The following CDK15 variants were observed in gnomAD, a reference collection of about 807,000 sequenced individuals.
The protein encoded by CDK15 is cyclin-dependent kinase 15.
In CDK15, 62 loss-of-function variants were observed where a neutral mutation model predicts 60.3. That is an observed-to-expected ratio of 1.03 (90% CI 0.84 to 1.27). The LOEUF is 1.27. CDK15 is among the 50% of genes most tolerant of loss of function. The probability of loss-of-function intolerance (pLI) is 0.00; values close to 1 mark genes in which losing one functional copy is unlikely to be tolerated. For synonymous variants in CDK15, 194 were observed against 195.7 expected, an observed-to-expected ratio of 0.99 and a Z score of 0.07; for missense variants, 541 against 527.8, an observed-to-expected ratio of 1.03 and a Z score of -0.25.
rs1346983845 is a variant in CDK15, at chr2:201,894,208, T to A, written c.*941T>A. 1 of 152,114 alleles carries A rather than the reference T, an allele frequency of 6.6e-6. No homozygotes were observed. The highest frequency in any genetic ancestry group is 1.5e-5 in the Non-Finnish European group (1 of 68,118). The allele number at this position is 152,114 out of a possible 1,614,324, so 9.4% of individuals were successfully genotyped here. ...AAGCAGCCAGGGAAACTCAAATCGC[T>A]TCTGTCCAGGGATCATCTCAGGAAA... On this transcript the variant is annotated 3_prime_UTR_variant, in exon 14 of 14. Coordinates refer to ENST00000652192, the MANE Select transcript of CDK15 (RefSeq NM_001366386.2).
chr2:201,860,997 G>C (rs1020792348), intron 10 of CDK15: 2 of 1,184,540 alleles, frequency 1.7e-6, no homozygotes, highest in African/African-American at 3.2e-5. Flanking sequence ...GCTAAGGTCT[G>C]CATCTGGGTC....
At chr2:201,807,994 C>A (rs1695595071) in intron 3 of CDK15, 42 bp downstream of exon 3, 3 of 1,514,962 alleles carry the variant, frequency 2.0e-6, no homozygotes, top group Middle Eastern at 1.7e-4. Context: ...AGATGAGAGT[C>A]CCGCCCCCCC....
chr2:201,826,071 A>T (rs1313227185), intron 6 of CDK15, among the ~76,000 whole-genome samples: 1 of 152,226 alleles, frequency 6.6e-6, no homozygotes, highest in Non-Finnish European at 1.5e-5. Context: ...ATACACACCA[A>T]TACTATTATA....
intron 10 of CDK15, 137 bp downstream of exon 10, chr2:201,855,074 C>T: frequency 1.4e-6 from 1 of 705,552 alleles, no homozygotes; most frequent in Non-Finnish European, 2.5e-6. Flanking sequence ...TTCATATATT[C>T]CCTGACTAAT....
rs139064240 is a variant in CDK15, at chr2:201,818,368, G to A, written c.449-4441G>A. On this transcript the variant is annotated intron_variant, in intron 4 of 13. Transcript: ENST00000652192. Reference sequence around the variant, plus strand: ...AGAAAAACAAAAATAAGTATACATAGGATACATTAATAATAAAAAAACAGT... The same window carrying A: ...AGAAAAACAAAAATAAGTATACATAAGATACATTAATAATAAAAAAACAGT... Among the ~76,000 whole-genome samples the A allele has an allele frequency of 3.9e-5, 6 of 152,178 alleles. No individual in the cohort carries two copies. In the East Asian group the frequency reaches 1.2e-3, roughly 29 times the overall value.
chr2:201,814,671 A>G (rs1227531775), intron 4 of CDK15, among the ~76,000 whole-genome samples: 1 of 152,228 alleles, frequency 6.6e-6, no homozygotes, highest in Non-Finnish European at 1.5e-5. Context: ...CTAGCTAAAA[A>G]GGCAACCGAA....
chr2:201,836,203 A>G (rs1397780087), intron 8 of CDK15, among the ~76,000 whole-genome samples: 2 of 129,922 alleles, frequency 1.5e-5, no homozygotes, highest in Non-Finnish European at 3.1e-5. Context: ...ATATATATAT[A>G]TATGTATTTT....
intron 10 of CDK15, among the ~76,000 whole-genome samples, chr2:201,865,892 C>CAAAAAAAAAAAA (rs35178158): frequency 2.5e-5 from 1 of 40,092 alleles, no homozygotes; most frequent in Non-Finnish European, 5.4e-5. Context: ...TCCATCTCAA[C>CAAAAAAAAAAAA]AAAAAAAAAA....
intron 4 of CDK15, among the ~76,000 whole-genome samples, chr2:201,821,651 GGGTT>G (rs1480028810): frequency 6.6e-6 from 1 of 152,024 alleles, no homozygotes; most frequent in Non-Finnish European, 1.5e-5. Context: ...TCTTCATGCA[GGGTT>G]GCCCTGAGGT....
intron 12 of CDK15, among the ~76,000 whole-genome samples, chr2:201,884,696 C>T (rs575008498): frequency 6.6e-6 from 1 of 152,220 alleles, no homozygotes; most frequent in African/African-American, 2.4e-5. Flanking sequence ...TTTTATTGTT[C>T]TCTTCTGAAT....
chr2:201,834,490 A>G (rs558727260), intron 7 of CDK15, among the ~76,000 whole-genome samples: 2 of 152,172 alleles, frequency 1.3e-5, no homozygotes, highest in Non-Finnish European at 2.9e-5. Context: ...GTATCCTTCC[A>G]TTTTAGCACT....
intron 8 of CDK15, among the ~76,000 whole-genome samples, chr2:201,842,577 A>G (rs1697440112): frequency 6.6e-6 from 1 of 152,172 alleles, no homozygotes; most frequent in Admixed American, 6.5e-5. Context: ...TCCCAACAAC[A>G]TTTTGATATT....
chr2:201,864,888 A>G (rs1029202695), intron 10 of CDK15, among the ~76,000 whole-genome samples: 1 of 152,268 alleles, frequency 6.6e-6, no homozygotes, highest in Non-Finnish European at 1.5e-5. Context: ...CAGAAGTCAC[A>G]TGCTTAAATC....
intron 13 of CDK15, among the ~76,000 whole-genome samples, chr2:201,891,632 A>T (rs945424565): frequency 6.6e-6 from 1 of 152,094 alleles, no homozygotes; most frequent in African/African-American, 2.4e-5. Context: ...CCCTTAAATG[A>T]GTACTGCTAG....
At chr2:201,854,779 G>C in intron 9 of CDK15, 95 bp from the exon 10 acceptor site, 4 of 1,023,628 alleles carry the variant, frequency 3.9e-6, no homozygotes, top group Non-Finnish European at 4.6e-6. Flanking sequence ...ACGCTTCCCT[G>C]TTCTTCCCTG....
chr2:201,827,683 C>T (rs925585675), intron 6 of CDK15, among the ~76,000 whole-genome samples: 1 of 152,084 alleles, frequency 6.6e-6, no homozygotes, highest in Non-Finnish European at 1.5e-5. Context: ...CATGGCTCAC[C>T]GCAGCCTCAA....
At chr2:201,857,010 T>A in intron 10 of CDK15, among the ~76,000 whole-genome samples, 1 of 63,028 alleles carries the variant, frequency 1.6e-5, no homozygotes. Context: ...GATCATGAGG[T>A]CAGGAGATCG....
At chr2:201,849,040 CCTA>C (rs1225539070) in intron 9 of CDK15, among the ~76,000 whole-genome samples, 1 of 152,148 alleles carries the variant, frequency 6.6e-6, no homozygotes, top group Non-Finnish European at 1.5e-5. Flanking sequence ...CTGGAGACAG[CCTA>C]CTGTCATAGC....
At chr2:201,812,166 T>G (rs1200510360) in intron 3 of CDK15, among the ~76,000 whole-genome samples, 1 of 127,762 alleles carries the variant, frequency 7.8e-6, no homozygotes, top group Non-Finnish European at 1.6e-5. Context: ...AGAGCGAGAT[T>G]CTGTCTCAAA....
Sources: allele counts gnomAD v4.1 joint callset (sites outside exome capture counted in the v4.1 genomes callset), GRCh38; gene constraint gnomAD v4.1.1; transcripts MANE v1.5; gene names NCBI Gene and HGNC (gene_info 2026-07-23, HGNC 2026-07-21).